PRMT8: variants seen among roughly 807,000 people sequenced by gnomAD.
PRMT8 encodes the protein protein arginine methyltransferase 8.
PRMT8 carries 7 observed loss-of-function variants against 47.1 expected under a neutral mutation model. That is an observed-to-expected ratio of 0.15 (90% CI 0.08 to 0.28). The LOEUF is 0.28. Among genes scored for constraint, PRMT8 ranks in the 10% least tolerant of loss-of-function variants. The probability of loss-of-function intolerance (pLI) is 1.00; values close to 1 mark genes in which losing one functional copy is unlikely to be tolerated. For missense variants in PRMT8, 237 were observed against 505.4 expected, an observed-to-expected ratio of 0.47 and a Z score of 5.09; for synonymous variants, 188 against 186.5, an observed-to-expected ratio of 1.01 and a Z score of -0.07.
intron 1 of PRMT8, among the ~76,000 whole-genome samples, chr12:3,382,745 C>A (rs567134701): frequency 6.6e-6 from 1 of 152,184 alleles, no homozygotes; most frequent in South Asian, 2.1e-4. Context: ...TCAATTTTTC[C>A]TTTTATGAAA....
chr12:3,543,862 G>T (rs1286242103), intron 2 of PRMT8, among the ~76,000 whole-genome samples: 1 of 152,212 alleles, frequency 6.6e-6, no homozygotes, highest in Non-Finnish European at 1.5e-5. Context: ...CTAGAGAGGA[G>T]GTGGTAGGCT....
intron 1 of PRMT8, among the ~76,000 whole-genome samples, chr12:3,446,879 A>T (rs770157551): frequency 6.6e-6 from 1 of 152,176 alleles, no homozygotes; most frequent in Non-Finnish European, 1.5e-5. Flanking sequence ...AATGGTGTTG[A>T]TCCGCTGCTT....
At chr12:3,454,946 G>A (rs1864957965) in intron 1 of PRMT8, among the ~76,000 whole-genome samples, 1 of 152,160 alleles carries the variant, frequency 6.6e-6, no homozygotes, top group Non-Finnish European at 1.5e-5. Context: ...GGACCCCATA[G>A]GAGCTGACGC....
At chr12:3,384,165 C>G (rs903723639) in intron 1 of PRMT8, among the ~76,000 whole-genome samples, 12 of 152,024 alleles carry the variant, frequency 7.9e-5, no homozygotes, top group Non-Finnish European at 1.8e-4. Flanking sequence ...AAGGAGGAAA[C>G]AGTCAGTATT....
intron 7 of PRMT8, among the ~76,000 whole-genome samples, chr12:3,582,805 T>C (rs912469343): frequency 4.6e-5 from 7 of 152,190 alleles, no homozygotes; most frequent in Admixed American, 3.3e-4. Flanking sequence ...CTGGAAGATT[T>C]ATCTTCCGAA....
In PRMT8 at chr12:3,538,547, G is replaced by A. The variant is rs1018556761; in HGVS notation, c.76-2059G>A. The A allele has an allele frequency of 4.0e-6, 2 of 500,048 alleles. No homozygotes were observed. The highest frequency in any genetic ancestry group is 8.0e-6 in the Non-Finnish European group (2 of 250,214). 31.0% of individuals were successfully genotyped at this position (500,048 alleles called of 1,614,324 possible). A position where few individuals can be genotyped will look rare whatever the true frequency, so the allele number is the denominator to read the frequency against. ...GGAAGCACATGGAAAAGAGAGCCTT[G>A]GAACCAGAGTGGAGTGACAGCTAAG... On this transcript the variant is annotated intron_variant, in intron 1 of 9. Transcript: ENST00000382622. The surrounding 1 kb of genome is among the most constrained non-coding windows in gnomAD (Gnocchi z 4.6).
chr12:3,496,918 T>A (rs1390487441), intron 1 of PRMT8, among the ~76,000 whole-genome samples: 1 of 143,444 alleles, frequency 7.0e-6, no homozygotes, highest in East Asian at 2.0e-4. Context: ...TACCCAATTT[T>A]TTTTTTTTTT....
rs116660827 is a variant in PRMT8, at chr12:3,576,829, G to A, written c.713-42G>A. On this transcript the variant is annotated intron_variant, in intron 6 of 9. Transcript: ENST00000382622. The surrounding 1 kb of genome is among the most constrained non-coding windows in gnomAD (Gnocchi z 4.0). ...CTCAGGAGGGTTGGGTGAGCTTCTG[G>A]GGGTCCTGCGCCTGCCTTCACGTCT... 1,428 of 1,535,532 alleles carry A rather than the reference G, an allele frequency of 9.3e-4. 13 individuals carry two copies. The African/African-American group carries it at 0.018, about 19-fold the overall frequency.
intron 8 of PRMT8, among the ~76,000 whole-genome samples, chr12:3,584,835 G>C (rs1442076289): frequency 1.3e-5 from 2 of 152,078 alleles, no homozygotes; most frequent in Non-Finnish European, 2.9e-5. Flanking sequence ...CCCATTGATG[G>C]TGTCTTACGT....
chr12:3,541,025 G>C (rs983329656), intron 2 of PRMT8, among the ~76,000 whole-genome samples: 2 of 152,204 alleles, frequency 1.3e-5, no homozygotes, highest in Middle Eastern at 3.2e-3. Flanking sequence ...CAGCCAGAGA[G>C]AGCACACAAG....
At chr12:3,558,944 ATCTG>A (rs1473585766) in intron 4 of PRMT8, among the ~76,000 whole-genome samples, 3 of 146,248 alleles carry the variant, frequency 2.1e-5, no homozygotes, top group Non-Finnish European at 3.0e-5. Flanking sequence ...ACTAACATTT[ATCTG>A]TCTATCTATC....
intron 1 of PRMT8, among the ~76,000 whole-genome samples, chr12:3,399,233 A>G (rs1054007759): frequency 1.3e-5 from 2 of 152,202 alleles, no homozygotes; most frequent in Non-Finnish European, 2.9e-5. Context: ...ACACTTAGGT[A>G]TCATGAACCC....
At chr12:3,505,176 C>T (rs1342011165) in intron 1 of PRMT8, among the ~76,000 whole-genome samples, 1 of 151,938 alleles carries the variant, frequency 6.6e-6, no homozygotes, top group East Asian at 1.9e-4. Flanking sequence ...GTTGCTCACG[C>T]TGGGAGCTGT....
At chr12:3,397,572 A>C (rs1407996454) in intron 1 of PRMT8, among the ~76,000 whole-genome samples, 2 of 151,688 alleles carry the variant, frequency 1.3e-5, no homozygotes, top group Non-Finnish European at 2.9e-5. Flanking sequence ...GCCCGTTCTC[A>C]GATCTCCAGC....
chr12:3,478,231 T>C (rs1865234282), intron 1 of PRMT8, among the ~76,000 whole-genome samples: 1 of 152,146 alleles, frequency 6.6e-6, no homozygotes, highest in Admixed American at 6.5e-5. Context: ...ATCCTATCCA[T>C]CATATATTTA....
Position 3,552,385 on chromosome 12 carries a change from AC to A in PRMT8, c.418-1265del, listed in dbSNP as rs1866437065. ...CGGCTGAGTTTACCCTCACACACTC[AC>A]GTGCATTGGGGGCTTCGACTTCTCT... On this transcript the variant is annotated intron_variant, in intron 3 of 9. Coordinates refer to ENST00000382622, the MANE Select transcript of PRMT8 (RefSeq NM_019854.5). This position sits in a 1 kb window ranked among gnomAD's most constrained non-coding sequence, Gnocchi z 4.5. 4.9e-6 allele frequency: 1 copy of A among 202,954 alleles called. No homozygotes were observed. Among genetic ancestry groups the A allele is most frequent in the Admixed American group, 5.4e-5 (1 of 18,544 alleles). 12.6% of individuals were successfully genotyped at this position (202,954 alleles called of 1,614,324 possible).
intron 1 of PRMT8, among the ~76,000 whole-genome samples, chr12:3,534,308 A>T (rs920659324): frequency 1.3e-5 from 2 of 152,254 alleles, no homozygotes; most frequent in Non-Finnish European, 2.9e-5. Context: ...GGCTGGTGCC[A>T]GCAGGAGCCA....
At chr12:3,385,294 C>G (rs1358070423) in intron 1 of PRMT8, among the ~76,000 whole-genome samples, 1 of 152,184 alleles carries the variant, frequency 6.6e-6, no homozygotes, top group African/African-American at 2.4e-5. Flanking sequence ...AGGTCTGATT[C>G]CAGAATCAGC....
chr12:3,569,470 T>C lies in PRMT8; in HGVS notation c.625-7T>C, dbSNP rs1366886399. The stretch of plus-strand genomic sequence containing the variant: ...ACGAGACCCATTTCCCCACAATTCA[T>C]CAACAGAAACCTGGAGGGCTTATGT... On this transcript the variant is annotated splice_polypyrimidine_tract_variant and splice_region_variant and intron_variant, in intron 5 of 9. Coordinates refer to ENST00000382622, the MANE Select transcript of PRMT8 (RefSeq NM_019854.5). This position sits in a 1 kb window ranked among gnomAD's most constrained non-coding sequence, Gnocchi z 8.2. 1 of 1,612,932 alleles carries C rather than the reference T, an allele frequency of 6.2e-7. No individual in the cohort carries two copies. Among genetic ancestry groups the C allele is most frequent in the Non-Finnish European group, 8.5e-7 (1 of 1,178,866 alleles).
Sources: allele counts gnomAD v4.1 joint callset (sites outside exome capture counted in the v4.1 genomes callset), GRCh38; gene constraint gnomAD v4.1.1; non-coding constraint Gnocchi (gnomAD v3.1); transcripts MANE v1.5; gene names NCBI Gene and HGNC (gene_info 2026-07-23, HGNC 2026-07-21).